OSBPL9: variants seen among roughly 807,000 people sequenced by gnomAD.
OSBPL9 encodes the protein oxysterol binding protein like 9, also known as oxysterol-binding protein-related protein 9.
Under a neutral mutation model 106.6 loss-of-function variants are expected in OSBPL9, and 40 were observed. That is an observed-to-expected ratio of 0.38 (90% CI 0.29 to 0.49). The LOEUF (loss-of-function observed/expected upper bound fraction) is 0.49, where lower values mean the gene tolerates loss of function less well. Ranked by LOEUF, OSBPL9 falls within the 20% of genes least tolerant of loss-of-function variation. OSBPL9 has a pLI of 0.97. For synonymous variants in OSBPL9, 269 were observed against 295.4 expected, an observed-to-expected ratio of 0.91 and a Z score of 0.92; for missense variants, 609 against 887.2, an observed-to-expected ratio of 0.69 and a Z score of 3.98.
At chr1:51,701,626 T>C (rs898357934) in intron 3 of OSBPL9, among the ~76,000 whole-genome samples, 73 of 151,538 alleles carry the variant, frequency 4.8e-4, no homozygotes, top group African/African-American at 1.7e-3. Flanking sequence ...CCTTTCACTA[T>C]ATAGTCAAAA....
intron 12 of OSBPL9, among the ~76,000 whole-genome samples, chr1:51,771,489 G>A (rs1400718730): frequency 1.3e-5 from 2 of 152,016 alleles, no homozygotes; most frequent in African/African-American, 2.4e-5. Flanking sequence ...ATATACGTGC[G>A]TGTGCGCGCA....
intron 1 of OSBPL9, chr1:51,594,746 TTCTC>T (rs1232394979): frequency 1.3e-5 from 2 of 152,318 alleles, no homozygotes; most frequent in South Asian, 2.1e-4. Context: ...GCTGTAGTCT[TTCTC>T]TCTCTAAACG....
chr1:51,665,589 A>G (rs1648261834), intron 2 of OSBPL9, among the ~76,000 whole-genome samples: 1 of 152,228 alleles, frequency 6.6e-6, no homozygotes, highest in Non-Finnish European at 1.5e-5. Context: ...AATGTAGTTC[A>G]TTTGAGTAAT....
At chr1:51,685,407 G>A (rs933963065) in intron 3 of OSBPL9, among the ~76,000 whole-genome samples, 2 of 151,732 alleles carry the variant, frequency 1.3e-5, no homozygotes, top group Non-Finnish European at 2.9e-5. Context: ...CTTCTACCAT[G>A]ATAATCTTTT....
intron 8 of OSBPL9, chr1:51,752,516 T>C (rs1242182680): frequency 6.6e-6 from 3 of 456,056 alleles, no homozygotes; most frequent in Non-Finnish European, 1.3e-5. Context: ...ACAATCTTGG[T>C]GAGGAATTTG....
chr1:51,552,011 C>T, the OSBPL9 span, among the ~76,000 whole-genome samples: 5 of 119,412 alleles, frequency 4.2e-5, no homozygotes, highest in African/African-American at 8.0e-5. Context: ...TTAGTTTGTT[C>T]GTAAATAAAA....
chr1:51,626,538 A>G (rs1644778094), intron 1 of OSBPL9, among the ~76,000 whole-genome samples: 1 of 152,022 alleles, frequency 6.6e-6, no homozygotes, highest in Non-Finnish European at 1.5e-5. Context: ...TTACAACCAG[A>G]TCTCACTCTG....
In OSBPL9 at chr1:51,628,872, C is replaced by T. The variant is rs745737681; in HGVS notation, c.111+11651C>T. On this transcript the variant is annotated intron_variant, in intron 1 of 23. Coordinates refer to ENST00000428468, the MANE Select transcript of OSBPL9 (RefSeq NM_024586.6). ...CTAATTTTTGTATTTTTAGTACAGA[C>T]GTGGTTTCACCATGTTGGCCAGGCT... 5.3e-5 allele frequency among the ~76,000 whole-genome samples: 8 copies of T among 151,626 alleles called. No individual in the cohort carries two copies. In the South Asian group the frequency reaches 6.2e-4, roughly 12 times the overall value.
intron 12 of OSBPL9, among the ~76,000 whole-genome samples, chr1:51,769,882 T>G (rs948812110): frequency 1.3e-5 from 2 of 152,224 alleles, no homozygotes; most frequent in Non-Finnish European, 2.9e-5. Flanking sequence ...TCATATGTTA[T>G]AGGATTTGGG....
chr1:51,569,568 G>A, the OSBPL9 span: 1 of 152,174 alleles, frequency 6.6e-6, no homozygotes, highest in Non-Finnish European at 1.5e-5. Flanking sequence ...GTGATACTTG[G>A]ATCCTGAGTG....
intron 8 of OSBPL9, 115 bp from the exon 9 acceptor site, chr1:51,756,205 A>G (rs1670299552): frequency 1.2e-6 from 1 of 823,928 alleles, no homozygotes; most frequent in South Asian, 1.6e-5. Flanking sequence ...GAGGCAGATA[A>G]ATCATGTTCT....
chr1:51,692,124 T>G (rs1655095645), intron 3 of OSBPL9, among the ~76,000 whole-genome samples: 1 of 152,006 alleles, frequency 6.6e-6, no homozygotes, highest in Non-Finnish European at 1.5e-5. Flanking sequence ...CTGGGCAACA[T>G]AGCGAGACCC....
At chr1:51,641,350 C>T (rs1266350811) in intron 1 of OSBPL9, among the ~76,000 whole-genome samples, 3 of 152,098 alleles carry the variant, frequency 2.0e-5, no homozygotes, top group Non-Finnish European at 4.4e-5. Flanking sequence ...CAAAGGCGCA[C>T]CTCCTAATAC....
rs1005848534 is a variant in OSBPL9, at chr1:51,660,460, G to A, written c.162+8419G>A. Among the ~76,000 whole-genome samples the A allele has an allele frequency of 6.6e-5, 10 of 151,924 alleles. No homozygotes were observed. In the South Asian group the frequency reaches 8.3e-4, roughly 13 times the overall value. ...ATAACTCCTGCATATTAATAAAGAA[G>A]ACAAAAAGAAAATCCCCCCAAATGC... On this transcript the variant is annotated intron_variant, in intron 2 of 23. Coordinates refer to ENST00000428468, the MANE Select transcript of OSBPL9 (RefSeq NM_024586.6).
chr1:51,534,128 C>T, the OSBPL9 span, among the ~76,000 whole-genome samples: 1 of 151,120 alleles, frequency 6.6e-6, no homozygotes, highest in African/African-American at 2.4e-5. Flanking sequence ...CACTTGAACC[C>T]GGGAGGAGGA....
chr1:51,713,570 TCTGC>T (rs1453262663), intron 3 of OSBPL9, among the ~76,000 whole-genome samples: 1 of 152,222 alleles, frequency 6.6e-6, no homozygotes, highest in African/African-American at 2.4e-5. Flanking sequence ...CATTGTCCGG[TCTGC>T]AATTCCTCTC....
At chr1:51,770,965 A>G (rs886538609) in intron 12 of OSBPL9, among the ~76,000 whole-genome samples, 2 of 152,084 alleles carry the variant, frequency 1.3e-5, no homozygotes, top group African/African-American at 2.4e-5. Context: ...GTAGACTTTG[A>G]GTGATAATGA....
At chr1:51,753,933 G>A (rs1327736683) in intron 8 of OSBPL9, among the ~76,000 whole-genome samples, 1 of 152,160 alleles carries the variant, frequency 6.6e-6, no homozygotes, top group Non-Finnish European at 1.5e-5. Context: ...TAAACCCCCT[G>A]GGTGGTTTTA....
chr1:51,751,463 TC>T (rs890306146), intron 8 of OSBPL9, among the ~76,000 whole-genome samples: 4 of 152,222 alleles, frequency 2.6e-5, no homozygotes, highest in African/African-American at 9.6e-5. Flanking sequence ...ATTTTTCATT[TC>T]CTGTTGTAGA....
Sources: allele counts gnomAD v4.1 joint callset (sites outside exome capture counted in the v4.1 genomes callset), GRCh38; gene constraint gnomAD v4.1.1; transcripts MANE v1.5; gene names NCBI Gene and HGNC (gene_info 2026-07-23, HGNC 2026-07-21).